Variants in CADM2 observed in about 807,000 individuals in gnomAD.
CADM2 encodes the protein cell adhesion molecule 2.
CADM2 carries 12 observed loss-of-function variants against 49.8 expected under a neutral mutation model. The ratio of observed to expected loss-of-function variants is 0.24; its 90% CI spans 0.15 to 0.39. The LOEUF (loss-of-function observed/expected upper bound fraction) is 0.39, where lower values mean the gene tolerates loss of function less well. Ranked by LOEUF, CADM2 falls within the 10% of genes least tolerant of loss-of-function variation. The pLI, the probability that CADM2 is intolerant of heterozygous loss-of-function variation, is 1.00. For missense variants in CADM2, 378 were observed against 492.3 expected, an observed-to-expected ratio of 0.77 and a Z score of 2.20; for synonymous variants, 214 against 175.4, an observed-to-expected ratio of 1.22 and a Z score of -1.74.
rs938519719 is a variant in CADM2 at position 85,067,279 on chromosome 3, CTGTGTGTGTGTGTGTTTGTGTG to C, written c.61+107620_61+107641del. Among the ~76,000 whole-genome samples, 3 of 150,840 alleles carry C rather than the reference CTGTGTGTGTGTGTGTTTGTGTG, an allele frequency of 2.0e-5. No individual in the cohort carries two copies. The East Asian group carries it at 5.8e-4, about 29-fold the overall frequency. On this transcript the variant is annotated intron_variant, in intron 1 of 9. Coordinates refer to ENST00000383699, the MANE Select transcript of CADM2 (RefSeq NM_001167675.2). The stretch of plus-strand genomic sequence containing the variant: ...TGGAAGTAATGCACATCTAATTAAA[CTGTGTGTGTGTGTGTTTGTGTG>C]TGTGTGTGGTTTTGTTATAAGGCAT...
chr3:85,406,774 C>A (rs1406326126), intron 1 of CADM2, among the ~76,000 whole-genome samples: 1 of 152,108 alleles, frequency 6.6e-6, no homozygotes, highest in Non-Finnish European at 1.5e-5. Context: ...CGCTTGTTTT[C>A]ACTTTTTTTT....
At chr3:84,960,598 A>G (rs2030413027) in intron 1 of CADM2, among the ~76,000 whole-genome samples, 3 of 152,066 alleles carry the variant, frequency 2.0e-5, no homozygotes, top group Admixed American at 1.3e-4. Flanking sequence ...TTCCGTAATT[A>G]ATATTATCCT....
chr3:85,419,015 C>T (rs927174704), intron 1 of CADM2, among the ~76,000 whole-genome samples: 3 of 151,926 alleles, frequency 2.0e-5, no homozygotes, highest in Non-Finnish European at 2.9e-5. Context: ...CAAAGAGAGC[C>T]CAAATAAGTA....
intron 1 of CADM2, among the ~76,000 whole-genome samples, chr3:85,385,077 A>G (rs1438426637): frequency 3.3e-5 from 5 of 152,054 alleles, no homozygotes; most frequent in African/African-American, 1.2e-4. Flanking sequence ...CTGGGACTAC[A>G]GGTGCGCTCC....
intron 1 of CADM2, among the ~76,000 whole-genome samples, chr3:85,450,724 A>G: frequency 6.6e-6 from 1 of 152,058 alleles, no homozygotes; most frequent in East Asian, 1.9e-4. Context: ...ATCATGTTTT[A>G]TAAACAAATT....
intron 1 of CADM2, among the ~76,000 whole-genome samples, chr3:85,569,073 T>A (rs1369355957): frequency 2.6e-5 from 4 of 152,086 alleles, no homozygotes; most frequent in African/African-American, 7.2e-5. Flanking sequence ...AACAGTTAAG[T>A]CCCAAAACAG....
chr3:85,271,591 G>GC (rs2043244535), intron 1 of CADM2, among the ~76,000 whole-genome samples: 1 of 151,170 alleles, frequency 6.6e-6, no homozygotes, highest in Admixed American at 6.6e-5. Flanking sequence ...GGCAGAACCA[G>GC]AATAATAACC....
intron 1 of CADM2, among the ~76,000 whole-genome samples, chr3:85,629,285 C>T (rs1476430407): frequency 6.6e-6 from 1 of 151,726 alleles, no homozygotes; most frequent in Non-Finnish European, 1.5e-5. Flanking sequence ...AGAAACAGAA[C>T]ACTAATTTTG....
At chr3:86,042,837 A>T (rs543056380) in intron 8 of CADM2, among the ~76,000 whole-genome samples, 115 of 152,314 alleles carry the variant, frequency 7.6e-4, no homozygotes, top group African/African-American at 2.7e-3. Context: ...TCAATAAAAT[A>T]CTGGCAAACC....
chr3:85,932,331 G>A (rs1195503015), intron 6 of CADM2, among the ~76,000 whole-genome samples: 2 of 152,166 alleles, frequency 1.3e-5, no homozygotes, highest in Non-Finnish European at 2.9e-5. Flanking sequence ...TACGTCAAAT[G>A]TGCCAAGCCT....
intron 1 of CADM2, among the ~76,000 whole-genome samples, chr3:85,637,746 G>A (rs895537847): frequency 6.6e-6 from 1 of 151,934 alleles, no homozygotes; most frequent in East Asian, 1.9e-4. Context: ...ATAAGTGAAT[G>A]CAAAAGCAGG....
At chr3:85,586,440 G>C (rs1181680934) in intron 1 of CADM2, among the ~76,000 whole-genome samples, 2 of 152,034 alleles carry the variant, frequency 1.3e-5, no homozygotes, top group Non-Finnish European at 2.9e-5. Context: ...AAATGTGGAT[G>C]AAACAAGGAA....
At chr3:85,684,025 A>G (rs1287897576) in intron 1 of CADM2, among the ~76,000 whole-genome samples, 3 of 152,204 alleles carry the variant, frequency 2.0e-5, no homozygotes, top group Non-Finnish European at 4.4e-5. Flanking sequence ...ATACAGCCAG[A>G]ACAAAAGTGG....
chr3:86,010,768 C>T (rs1199123957), intron 8 of CADM2, among the ~76,000 whole-genome samples: 1 of 151,126 alleles, frequency 6.6e-6, no homozygotes, highest in African/African-American at 2.4e-5. Context: ...GTAAAATAAT[C>T]AATAGCTCTA....
At chr3:85,138,175 T>C (rs2039473487) in intron 1 of CADM2, among the ~76,000 whole-genome samples, 1 of 152,190 alleles carries the variant, frequency 6.6e-6, no homozygotes, top group Admixed American at 6.5e-5. Context: ...CTTTCCTTTG[T>C]TGCATTCTTT....
chr3:85,844,252 T>C (rs1701194205), intron 3 of CADM2, among the ~76,000 whole-genome samples: 1 of 152,134 alleles, frequency 6.6e-6, no homozygotes, highest in African/African-American at 2.4e-5. Flanking sequence ...TTTGTCATCA[T>C]GAAGAACAGG....
At chr3:85,866,787 A>C (rs2075738909) in intron 3 of CADM2, among the ~76,000 whole-genome samples, 1 of 151,894 alleles carries the variant, frequency 6.6e-6, no homozygotes, top group African/African-American at 2.4e-5. Flanking sequence ...TGACTGCCCT[A>C]CTCTCTCTCT....
chr3:85,541,906 T>C (rs1291240553), intron 1 of CADM2, among the ~76,000 whole-genome samples: 2 of 150,930 alleles, frequency 1.3e-5, no homozygotes, highest in African/African-American at 4.9e-5. Flanking sequence ...AAGAACGACA[T>C]GGAGTATACA....
chr3:85,391,208 A>G (rs551128328), intron 1 of CADM2, among the ~76,000 whole-genome samples: 2 of 152,084 alleles, frequency 1.3e-5, no homozygotes, highest in Non-Finnish European at 2.9e-5. Context: ...CTGTAATTCT[A>G]GATCTTAATG....
Sources: gnomAD v4.1 joint callset for allele counts (sites outside exome capture counted in the v4.1 genomes callset) on GRCh38, gnomAD v4.1.1 for gene constraint, MANE v1.5 for transcripts, NCBI Gene and HGNC (gene_info 2026-07-23, HGNC 2026-07-21) for gene names.